Variants in CCSER2 observed in about 807,000 individuals in gnomAD.
CCSER2 encodes serine-rich coiled-coil domain-containing protein 2.
CCSER2 carries 46 observed loss-of-function variants against 92.3 expected under a neutral mutation model. The observed-to-expected ratio is 0.50, with a 90% CI of 0.39 to 0.64. CCSER2 has a LOEUF of 0.64. Among genes scored for constraint, CCSER2 ranks in the 30% least tolerant of loss-of-function variants. The probability of loss-of-function intolerance (pLI) is 0.00; values close to 1 mark genes in which losing one functional copy is unlikely to be tolerated. For missense variants in CCSER2, 1,244 were observed against 1,238.9 expected, an observed-to-expected ratio of 1.00 and a Z score of -0.06; for synonymous variants, 433 against 431.4, an observed-to-expected ratio of 1.00 and a Z score of -0.04.
chr10:84,409,596 A>G (rs1842547559), intron 3 of CCSER2, among the ~76,000 whole-genome samples: 3 of 150,848 alleles, frequency 2.0e-5, no homozygotes, highest in South Asian at 4.2e-4. Flanking sequence ...TTCTTAAACC[A>G]GTTAACTTCT....
At chr10:84,391,347 A>G (rs1564623270) in intron 3 of CCSER2, 4 of 1,423,882 alleles carry the variant, frequency 2.8e-6, no homozygotes, top group South Asian at 2.3e-5. Context: ...CTTGGAGGCA[A>G]CATTGAACAG....
chr10:84,373,096 C>A (rs568347523), intron 2 of CCSER2, among the ~76,000 whole-genome samples: 1 of 152,054 alleles, frequency 6.6e-6, no homozygotes, highest in South Asian at 2.1e-4. Flanking sequence ...GAATAAAGAA[C>A]AACTAAAGGG....
rs1410165604 is a variant in CCSER2 at position 84,471,050 on chromosome 10, A to G, written c.2235+592A>G. On this transcript the variant is annotated intron_variant, in intron 8 of 9. Transcript: ENST00000372088. ...GTATATAAAAGACCATGATAAAAAG[A>G]AAATAATGGCCTAAAAATCACAACA... Among the ~76,000 whole-genome samples, 3 of 152,126 alleles carry G rather than the reference A, an allele frequency of 2.0e-5. No individual in the cohort carries two copies. In the East Asian group the frequency reaches 5.8e-4, roughly 29 times the overall value.
At chr10:84,378,481 C>G (rs558563830) in intron 3 of CCSER2, among the ~76,000 whole-genome samples, 2 of 142,838 alleles carry the variant, frequency 1.4e-5, no homozygotes, top group Non-Finnish European at 3.0e-5. Flanking sequence ...CTCACCCAGG[C>G]TGGAGTGCGA....
Position 84,494,017 on chromosome 10 carries a change from T to A in CCSER2, c.2325+16353T>A, listed in dbSNP as rs193284685. Reference sequence around the variant, plus strand: ...GTGCAGTTCACAATAAAGTTCCTGCTTCTGTGAGAATCTAATGCTGCTGCT... The same window carrying A: ...GTGCAGTTCACAATAAAGTTCCTGCATCTGTGAGAATCTAATGCTGCTGCT... On this transcript the variant is annotated intron_variant, in intron 9 of 9. Transcript: ENST00000372088. Among the ~76,000 whole-genome samples the A allele has an allele frequency of 1.9e-3, 289 of 152,324 alleles. 2 individuals are homozygous for A. Among genetic ancestry groups the A allele is most frequent in the Non-Finnish European group, 3.7e-4 (25 of 68,032 alleles).
intron 5 of CCSER2, among the ~76,000 whole-genome samples, chr10:84,429,797 C>A (rs1843662442): frequency 6.6e-6 from 1 of 151,446 alleles, no homozygotes; most frequent in Non-Finnish European, 1.5e-5. Context: ...GTTCTTTCTG[C>A]CCCTCCCCAC....
intron 5 of CCSER2, among the ~76,000 whole-genome samples, chr10:84,434,043 C>T (rs573859589): frequency 9.9e-5 from 15 of 152,266 alleles, no homozygotes; most frequent in Admixed American, 7.8e-4. Flanking sequence ...CTTTCACTAC[C>T]GGAGTTTCTG....
intron 9 of CCSER2, among the ~76,000 whole-genome samples, chr10:84,495,157 T>A (rs77459667): frequency 0.021 from 3,179 of 151,172 alleles, 90 homozygotes; most frequent in Admixed American, 0.074. Context: ...TATTTTCTTT[T>A]GCATTCAGTT....
At chr10:84,410,528 TTTC>T (rs988541308) in intron 3 of CCSER2, among the ~76,000 whole-genome samples, 1 of 152,214 alleles carries the variant, frequency 6.6e-6, no homozygotes, top group Non-Finnish European at 1.5e-5. Flanking sequence ...ATGTTGAGCT[TTTC>T]TTCATCTTTG....
chr10:84,442,379 C>T (rs929991790), intron 6 of CCSER2, among the ~76,000 whole-genome samples: 1 of 152,012 alleles, frequency 6.6e-6, no homozygotes, highest in African/African-American at 2.4e-5. Flanking sequence ...TGAACATAGG[C>T]TGTATATTAG....
intron 4 of CCSER2, among the ~76,000 whole-genome samples, chr10:84,420,932 C>CAAAAAAAAAAAAAA: frequency 1.2e-5 from 1 of 84,824 alleles, no homozygotes; most frequent in African/African-American, 4.6e-5. Flanking sequence ...GACTCCATCT[C>CAAAAAAAAAAAAAA]AAAAAAAAAA....
intron 1 of CCSER2, among the ~76,000 whole-genome samples, chr10:84,335,167 A>G (rs182599229): frequency 6.7e-6 from 1 of 149,296 alleles, no homozygotes; most frequent in East Asian, 2.0e-4. Flanking sequence ...TGAAAAGCCC[A>G]GTGACATCTT....
intron 2 of CCSER2, among the ~76,000 whole-genome samples, chr10:84,372,915 A>G (rs1215851234): frequency 6.6e-6 from 1 of 152,126 alleles, no homozygotes; most frequent in African/African-American, 2.4e-5. Flanking sequence ...TTTATCCTAG[A>G]AAATTCTTCT....
chr10:84,383,649 A>G lies in CCSER2; in HGVS notation c.1614+9834A>G, dbSNP rs529947292. Among the ~76,000 whole-genome samples, 45 of 152,266 alleles carry G rather than the reference A, an allele frequency of 3.0e-4. 1 individual carries two copies. The highest frequency in any genetic ancestry group is 4.7e-4 in the Non-Finnish European group (32 of 68,022). Reference sequence around the variant, plus strand: ...TTTCTAATGTGTATTCACATATACTATCTCAGGTGGTTGCACCTTCTCTAC... The same window carrying G: ...TTTCTAATGTGTATTCACATATACTGTCTCAGGTGGTTGCACCTTCTCTAC... On this transcript the variant is annotated intron_variant, in intron 3 of 9. Transcript: ENST00000372088.
intron 9 of CCSER2, among the ~76,000 whole-genome samples, chr10:84,486,358 C>T (rs574949786): frequency 2.0e-5 from 3 of 152,204 alleles, no homozygotes; most frequent in African/African-American, 7.2e-5. Context: ...ACACTCCCAC[C>T]AACAGTGTAA....
chr10:84,510,505 A>G (rs1254197827), intron 9 of CCSER2, among the ~76,000 whole-genome samples: 1 of 152,216 alleles, frequency 6.6e-6, no homozygotes, highest in African/African-American at 2.4e-5. Context: ...ATGATACATA[A>G]TAAACATTTA....
chr10:84,474,410 C>G (rs964763442), intron 8 of CCSER2, among the ~76,000 whole-genome samples: 2 of 152,038 alleles, frequency 1.3e-5, no homozygotes, highest in Admixed American at 1.3e-4. Flanking sequence ...CCTATAATCC[C>G]AGCACTTTAG....
At chr10:84,341,343 C>G (rs1191845095) in intron 1 of CCSER2, among the ~76,000 whole-genome samples, 1 of 94,304 alleles carries the variant, frequency 1.1e-5, no homozygotes, top group Non-Finnish European at 1.9e-5. Flanking sequence ...CTTTGTAACT[C>G]TTTTTTTTTT....
chr10:84,360,644 T>C (rs1262838704), intron 1 of CCSER2, among the ~76,000 whole-genome samples: 3 of 152,250 alleles, frequency 2.0e-5, no homozygotes, highest in Non-Finnish European at 4.4e-5. Context: ...TAGCCCGCTC[T>C]TGCAGAGTTA....
Sources: allele counts gnomAD v4.1 joint callset (sites outside exome capture counted in the v4.1 genomes callset), GRCh38; gene constraint gnomAD v4.1.1; transcripts MANE v1.5; gene names NCBI Gene and HGNC (gene_info 2026-07-23, HGNC 2026-07-21).